The following MICU3 variants were observed in gnomAD, a reference collection of about 807,000 sequenced individuals.
The protein encoded by MICU3 is calcium uptake protein 3, mitochondrial.
MICU3 carries 62 observed loss-of-function variants against 66.5 expected under a neutral mutation model. The observed-to-expected ratio is 0.93, with a 90% CI of 0.76 to 1.15. The LOEUF is 1.15. Among genes scored for constraint, MICU3 ranks in the 50% most tolerant of loss-of-function variants. The pLI is 0.00. For missense variants in MICU3, 779 were observed against 664.4 expected (o/e 1.17, Z -1.90); for synonymous variants, 308 against 240.7 (o/e 1.28, Z -2.59).
At chr8:17,108,942 A>G (rs978644098) in intron 11 of MICU3, among the ~76,000 whole-genome samples, 10 of 152,088 alleles carry the variant, frequency 6.6e-5, no homozygotes, top group Admixed American at 1.3e-4. Context: ...ACTGTTTCTC[A>G]AATCTTCTGT....
At chr8:17,082,030 A>G in intron 5 of MICU3, 1 of 239,648 alleles carries the variant, frequency 4.2e-6, no homozygotes. Context: ...GACATGTAAT[A>G]ATTTATAAAT....
At chr8:17,071,458 C>T (rs1563329528) in intron 3 of MICU3, among the ~76,000 whole-genome samples, 1 of 152,070 alleles carries the variant, frequency 6.6e-6, no homozygotes, top group Non-Finnish European at 1.5e-5. Flanking sequence ...TAGGGCTCAT[C>T]CTGATGACCT....
downstream of MICU3, among the ~76,000 whole-genome samples, chr8:17,125,555 C>T (rs143485947): frequency 2.8e-3 from 425 of 152,226 alleles, no homozygotes; most frequent in African/African-American, 9.4e-3. Flanking sequence ...GCATTTCATA[C>T]GAGGAATCTT....
intron 4 of MICU3, among the ~76,000 whole-genome samples, chr8:17,078,694 G>A (rs1820742308): frequency 1.3e-5 from 2 of 151,958 alleles, no homozygotes; most frequent in South Asian, 4.2e-4. Flanking sequence ...TACTTTGAAG[G>A]AGTAGTTATA....
intron 10 of MICU3, 21 bp downstream of exon 10, chr8:17,104,512 T>C: frequency 8.4e-7 from 1 of 1,184,096 alleles, no homozygotes; most frequent in Non-Finnish European, 1.2e-6. Context: ...TTTTATATTT[T>C]TATTAAAAAT....
downstream of MICU3, among the ~76,000 whole-genome samples, chr8:17,122,878 T>G (rs1201505020): frequency 6.8e-6 from 1 of 147,036 alleles, no homozygotes; most frequent in Non-Finnish European, 1.5e-5. Context: ...AGAATTATGG[T>G]CATTGGTACT....
chr8:17,133,758 T>C, the MICU3 span, among the ~76,000 whole-genome samples: 1 of 152,150 alleles, frequency 6.6e-6, no homozygotes, highest in Non-Finnish European at 1.5e-5. Context: ...GAATAATTCT[T>C]CCTTTTTGCC....
At chr8:17,034,935 A>C (rs1158937192) in intron 1 of MICU3, among the ~76,000 whole-genome samples, 1 of 152,206 alleles carries the variant, frequency 6.6e-6, no homozygotes, top group African/African-American at 2.4e-5. Flanking sequence ...TCAGTGTCCC[A>C]CCCAAGTCAT....
chr8:17,127,162 A>G (rs1231478851), downstream of MICU3, among the ~76,000 whole-genome samples: 1 of 152,214 alleles, frequency 6.6e-6, no homozygotes, highest in African/African-American at 2.4e-5. Flanking sequence ...AGGTGCTATA[A>G]GAGTTAAATA....
Position 17,064,097 on chromosome 8 carries a change from G to A in MICU3, c.395G>A (p.Arg132Lys). The change falls in exon 2 of 15, where the codon AGA becomes AAA. Residue 132 changes from arginine (R) to lysine (K), a missense_variant. By Grantham distance (26) the Arg-to-Lys change is conservative. Coordinates refer to ENST00000318063, the MANE Select transcript of MICU3 (RefSeq NM_181723.3). Reference sequence around the variant, plus strand: ...TCTTAACTTTAGGTTGCTATTGGCAGAACAGACATTGAAGACTTAGACCTT... The same window carrying A: ...TCTTAACTTTAGGTTGCTATTGGCAAAACAGACATTGAAGACTTAGACCTT... The part of the protein sequence containing the change: ...AAAKETVAIG[R>K]TDIEDLDLYA... 2.5e-6 allele frequency: 4 copies of A among 1,610,838 alleles called. No individual in the cohort carries two copies. The South Asian group carries it at 4.4e-5, about 18-fold the overall frequency.
In MICU3 at chr8:17,079,082, G is replaced by T. The variant is rs560622651; in HGVS notation, c.646+1221G>T. Among the ~76,000 whole-genome samples, 455 of 152,188 alleles carry T rather than the reference G, an allele frequency of 3.0e-3. 3 individuals carry two copies. Among genetic ancestry groups the T allele is most frequent in the African/African-American group, 0.01 (422 of 41,544 alleles). On this transcript the variant is annotated intron_variant, in intron 4 of 14. Coordinates refer to ENST00000318063, the MANE Select transcript of MICU3 (RefSeq NM_181723.3). The stretch of plus-strand genomic sequence containing the variant: ...AAGAAAGAACCTTTTTTAAGTTAAG[G>T]GGAGGGTTTAATCTGGAAGTCCTAG...
In MICU3 at chr8:17,066,517, C is replaced by CTATA. The variant is rs71212675; in HGVS notation, c.535+2301_535+2304dup. Among the ~76,000 whole-genome samples the CTATA allele has an allele frequency of 6.1e-3, 635 of 104,934 alleles. 7 individuals carry two copies. Among genetic ancestry groups the CTATA allele is most frequent in the African/African-American group, 0.015 (367 of 24,526 alleles). The allele number at this position is 104,934 out of a possible 152,430, so 68.8% of individuals were successfully genotyped here. ...TATTCTTTAAGTGATTGTTAATAAT[C>CTATA]TATATATATATATATATATATATAG... On this transcript the variant is annotated intron_variant, in intron 2 of 14. Coordinates refer to ENST00000318063, the MANE Select transcript of MICU3 (RefSeq NM_181723.3).
At chr8:17,085,171 A>G (rs942248346) in intron 5 of MICU3, 65 bp from the exon 6 acceptor site, 2 of 1,067,698 alleles carry the variant, frequency 1.9e-6, no homozygotes, top group Middle Eastern at 2.0e-4. Flanking sequence ...TACAACTAAT[A>G]TGGATTTTGT....
intron 1 of MICU3, among the ~76,000 whole-genome samples, chr8:17,037,848 T>C (rs1021403845): frequency 3.3e-5 from 5 of 152,220 alleles, no homozygotes; most frequent in African/African-American, 4.8e-5. Context: ...CAGTGTGACC[T>C]GGATGTGAGA....
At chr8:17,031,871 T>G (rs7812526) in intron 1 of MICU3, among the ~76,000 whole-genome samples, 44,884 of 152,026 alleles carry the variant, frequency 0.3, 7,829 homozygotes, top group East Asian at 0.61. Context: ...CTCTATAGAT[T>G]TGTTGAAATA....
At chr8:17,031,261 A>C (rs1049603879) in intron 1 of MICU3, among the ~76,000 whole-genome samples, 4 of 77,418 alleles carry the variant, frequency 5.2e-5, no homozygotes, top group African/African-American at 1.4e-4. Context: ...CTGCCACTTC[A>C]TTTATTATTA....
chr8:17,086,584 T>A (rs1196366751), intron 6 of MICU3, among the ~76,000 whole-genome samples: 1 of 152,130 alleles, frequency 6.6e-6, no homozygotes, highest in Non-Finnish European at 1.5e-5. Flanking sequence ...AACTGTATTT[T>A]AGGAACTTTC....
At chr8:17,036,345 A>T (rs1352283265) in intron 1 of MICU3, among the ~76,000 whole-genome samples, 1 of 152,108 alleles carries the variant, frequency 6.6e-6, no homozygotes, top group Admixed American at 6.5e-5. Flanking sequence ...CAGTAGCAAG[A>T]TTTATTGCAA....
At position 17,118,792 on chromosome 8, in the gene MICU3, T is replaced by A. The variant is rs780125823; in HGVS notation, c.*17T>A. On this transcript the variant is annotated intron_variant, in intron 14 of 14. Coordinates refer to ENST00000318063, the MANE Select transcript of MICU3 (RefSeq NM_181723.3). The stretch of plus-strand genomic sequence containing the variant: ...AGCAGATAAGTATGTTAGCTTCTAT[T>A]TGTCTAAATTTGTTCAGTAACAATA... 8 of 1,539,582 alleles carry A rather than the reference T, an allele frequency of 5.2e-6. No individual in the cohort carries two copies. The highest frequency in any genetic ancestry group is 5.4e-6 in the Non-Finnish European group (6 of 1,114,084).
Sources: allele counts gnomAD v4.1 joint callset (sites outside exome capture counted in the v4.1 genomes callset), GRCh38; gene constraint gnomAD v4.1.1; transcripts MANE v1.5; gene names NCBI Gene and HGNC (gene_info 2026-07-23, HGNC 2026-07-21).